NRG2: variants seen among roughly 807,000 people sequenced by gnomAD.
NRG2 encodes the protein neuregulin 2, also known as pro-neuregulin-2, membrane-bound isoform.
In NRG2, 27 loss-of-function variants were observed where a neutral mutation model predicts 73.9. The observed-to-expected ratio is 0.37, with a 90% CI of 0.27 to 0.50. The LOEUF (loss-of-function observed/expected upper bound fraction) is 0.50. Ranked by LOEUF, NRG2 falls within the 20% of genes least tolerant of loss-of-function variation. NRG2 has a pLI of 0.96. For synonymous variants in NRG2, 532 were observed against 541.0 expected (o/e 0.98, Z 0.23); for missense variants, 1,126 against 1,210.1 (o/e 0.93, Z 1.03).
At chr5:139,886,007 G>A (rs1763837735) in intron 2 of NRG2, among the ~76,000 whole-genome samples, 1 of 152,100 alleles carries the variant, frequency 6.6e-6, no homozygotes, top group African/African-American at 2.4e-5. Context: ...GTCTCGGAAG[G>A]TGGGCTGGGT....
At chr5:140,013,699 AC>A (rs1205144626) in intron 1 of NRG2, among the ~76,000 whole-genome samples, 1 of 152,048 alleles carries the variant, frequency 6.6e-6, no homozygotes, top group Non-Finnish European at 1.5e-5. Context: ...TGAAGCTTTA[AC>A]CCCCACTACT....
chr5:140,035,183 C>T (rs1477390559), intron 1 of NRG2, among the ~76,000 whole-genome samples: 1 of 152,144 alleles, frequency 6.6e-6, no homozygotes, highest in East Asian at 1.9e-4. Context: ...GAGAATGCTG[C>T]TCTTGCTGCA....
intron 1 of NRG2, among the ~76,000 whole-genome samples, chr5:139,997,923 C>T (rs1401513517): frequency 1.3e-5 from 2 of 152,202 alleles, no homozygotes; most frequent in African/African-American, 4.8e-5. Context: ...AGGATTGCCC[C>T]TCTAGGTAAA....
chr5:140,007,923 C>T (rs1034398952), intron 1 of NRG2, among the ~76,000 whole-genome samples: 32 of 152,214 alleles, frequency 2.1e-4, no homozygotes, highest in African/African-American at 7.5e-4. Context: ...TCAGGCCCAA[C>T]TCACACAGCT....
At chr5:139,872,765 C>G (rs1408631319) in intron 3 of NRG2, among the ~76,000 whole-genome samples, 1 of 152,222 alleles carries the variant, frequency 6.6e-6, no homozygotes, top group Non-Finnish European at 1.5e-5. Flanking sequence ...CACTGAAGCT[C>G]TGCTCCTCAT....
At position 139,904,291 on chromosome 5, in the gene NRG2, C is replaced by T; in HGVS notation, c.701-16780G>A. On this transcript the variant is annotated intron_variant, in intron 1 of 9. Transcript: ENST00000361474. The surrounding 1 kb of genome is among the most constrained non-coding windows in gnomAD (Gnocchi z 6.0). ...CCCAGGGAAACCGGGTTTCTGGGCG[C>T]GCGGAGGTGCCCTACCTTTCTCCCC... 6.3e-7 allele frequency: 1 copy of T among 1,584,950 alleles called. No homozygotes were observed. Among genetic ancestry groups the T allele is most frequent in the South Asian group, 1.1e-5 (1 of 88,962 alleles).
At chr5:139,854,273 T>C (rs2127007962) in intron 6 of NRG2, among the ~76,000 whole-genome samples, 1 of 152,336 alleles carries the variant, frequency 6.6e-6, no homozygotes, top group Middle Eastern at 3.4e-3. Flanking sequence ...CTGGAATACT[T>C]TCTCTCCTCT....
chr5:140,033,347 G>C (rs1761287234), intron 1 of NRG2, among the ~76,000 whole-genome samples: 1 of 152,242 alleles, frequency 6.6e-6, no homozygotes. Flanking sequence ...CGAAGTCAAA[G>C]AGCAATCCTG....
At chr5:139,917,747 T>C (rs912032837) in intron 1 of NRG2, among the ~76,000 whole-genome samples, 16 of 152,228 alleles carry the variant, frequency 1.1e-4, no homozygotes, top group Non-Finnish European at 2.2e-4. Flanking sequence ...ATTTATCTTT[T>C]TATAATTGAA....
intron 1 of NRG2, among the ~76,000 whole-genome samples, chr5:139,930,824 T>C (rs1298855596): frequency 3.9e-5 from 6 of 152,246 alleles, no homozygotes; most frequent in African/African-American, 1.2e-4. Flanking sequence ...CATGGGATGC[T>C]GTCTGAAGTA....
At position 140,042,363 on chromosome 5, in the gene NRG2, G is replaced by T; in HGVS notation, c.700+7C>A. The T allele has an allele frequency of 2.6e-6, 4 of 1,519,122 alleles. No individual in the cohort carries two copies. In the South Asian group the frequency reaches 5.0e-5, roughly 19 times the overall value. The allele number at this position is 1,519,122 out of a possible 1,614,324, so 94.1% of individuals were successfully genotyped here. ...CCTTTCTCCAGCAAAGGGAGGGGGC[G>T]ACTCACCGCAGTCAGTGCACAGGAT... On this transcript the variant is annotated splice_region_variant and intron_variant, in intron 1 of 9. Transcript: ENST00000361474.
chr5:139,997,879 C>T (rs1045034859), intron 1 of NRG2, among the ~76,000 whole-genome samples: 8 of 152,290 alleles, frequency 5.3e-5, no homozygotes, highest in East Asian at 1.9e-4. Flanking sequence ...GGCCATGGGC[C>T]GGGTTTCCCG....
intron 1 of NRG2, among the ~76,000 whole-genome samples, chr5:140,015,260 G>T (rs1157478894): frequency 6.6e-6 from 1 of 152,082 alleles, no homozygotes; most frequent in Non-Finnish European, 1.5e-5. Flanking sequence ...TTCCATGAGG[G>T]CAGAGATTTC....
rs1759120131 is a variant in NRG2 at position 140,008,764 on chromosome 5, A to C, written c.700+33606T>G. ...AGAGACTCAACTGGTGAGTTCAAAA[A>C]AATAAATGCATGAAACAAGGAGGTA... is the stretch of plus-strand genomic sequence containing the variant. On this transcript the variant is annotated intron_variant, in intron 1 of 9. Coordinates refer to ENST00000361474, the MANE Select transcript of NRG2 (RefSeq NM_004883.3). This position sits in a 1 kb window ranked among gnomAD's most constrained non-coding sequence, Gnocchi z 4.2. Among the ~76,000 whole-genome samples the C allele has an allele frequency of 1.3e-5, 2 of 152,212 alleles. No homozygotes were observed. The highest frequency in any genetic ancestry group is 2.1e-4 in the South Asian group (1 of 4,832).
At chr5:140,034,615 A>G (rs950442063) in intron 1 of NRG2, among the ~76,000 whole-genome samples, 1 of 152,218 alleles carries the variant, frequency 6.6e-6, no homozygotes, top group Non-Finnish European at 1.5e-5. Context: ...GAAAGTTAAT[A>G]GAACAAATAA....
chr5:139,907,497 T>C (rs1765307632), intron 1 of NRG2, among the ~76,000 whole-genome samples: 1 of 152,162 alleles, frequency 6.6e-6, no homozygotes, highest in Non-Finnish European at 1.5e-5. Flanking sequence ...GTGACCCTCC[T>C]TCCACTAGTA....
In NRG2 at chr5:139,852,186, C is replaced by T. The variant is rs533613314; in HGVS notation, c.1544+246G>A. 3.9e-5 allele frequency among the ~76,000 whole-genome samples: 6 copies of T among 152,254 alleles called. No homozygotes were observed. The East Asian group carries it at 1.2e-3, about 29-fold the overall frequency. On this transcript the variant is annotated intron_variant, in intron 8 of 9. Coordinates refer to ENST00000361474, the MANE Select transcript of NRG2 (RefSeq NM_004883.3). The surrounding 1 kb of genome is among the most constrained non-coding windows in gnomAD (Gnocchi z 4.4). ...GCCCCAGGGGCCAGTATGTGAGGGC[C>T]CTGACTATTTCCTGGTGCTCCCGAG...
intron 1 of NRG2, 53 bp downstream of exon 1, chr5:140,042,317 T>G: frequency 2.0e-6 from 2 of 987,582 alleles, no homozygotes; most frequent in Admixed American, 6.9e-5. Context: ...ACCCCCATTC[T>G]CCACCACCTC....
At chr5:139,882,487 C>G (rs889724779) in intron 2 of NRG2, among the ~76,000 whole-genome samples, 3 of 152,224 alleles carry the variant, frequency 2.0e-5, no homozygotes, top group African/African-American at 7.2e-5. Context: ...TGGTCTCTGT[C>G]TCCTTGGCCT....
Sources: allele counts gnomAD v4.1 joint callset (sites outside exome capture counted in the v4.1 genomes callset), GRCh38; gene constraint gnomAD v4.1.1; non-coding constraint Gnocchi (gnomAD v3.1); transcripts MANE v1.5; gene names NCBI Gene and HGNC (gene_info 2026-07-23, HGNC 2026-07-21).